AFP: variants seen among roughly 807,000 people sequenced by gnomAD.
The protein encoded by AFP is alpha-fetoprotein.
Under a neutral mutation model 78.9 loss-of-function variants are expected in AFP, and 64 were observed. That is an observed-to-expected ratio of 0.81 (90% CI 0.66 to 1.00). The LOEUF is 1.00. Ranked by LOEUF, AFP falls within the 50% of genes least tolerant of loss-of-function variation. The pLI is 0.00. For synonymous variants in AFP, 254 were observed against 243.8 expected, an observed-to-expected ratio of 1.04 and a Z score of -0.39; for missense variants, 689 against 703.8, an observed-to-expected ratio of 0.98 and a Z score of 0.24.
Position 73,452,693 on chromosome 4 carries a change from C to T in AFP, c.1652+69C>T, listed in dbSNP as rs992615897. 1.9e-4 allele frequency: 235 copies of T among 1,229,760 alleles called. 3 individuals are homozygous for T. The South Asian group carries it at 2.2e-3, about 11-fold the overall frequency. The allele number at this position is 1,229,760 out of a possible 1,614,324, so 76.2% of individuals were successfully genotyped here. A position where few individuals can be genotyped will look rare whatever the true frequency, so the allele number is the denominator to read the frequency against. On this transcript the variant is annotated intron_variant, in intron 12 of 14. Coordinates refer to ENST00000395792, the MANE Select transcript of AFP (RefSeq NM_001134.3). The stretch of plus-strand genomic sequence containing the variant: ...CAAAGAGTAACTGAGACTTCTACCT[C>T]GCTCACCTAACACTATTGGGCTCAC...
intron 7 of AFP, 114 bp downstream of exon 7, chr4:73,445,236 T>G: frequency 7.9e-7 from 1 of 1,260,046 alleles, no homozygotes; most frequent in Non-Finnish European, 1.1e-6. Context: ...GTATGTAAAC[T>G]AGGTGACTCC....
chr4:73,455,308 C>G lies in AFP; in HGVS notation c.*10+18C>G, dbSNP rs1337930848. 2 of 1,590,488 alleles carry G rather than the reference C, an allele frequency of 1.3e-6. No homozygotes were observed. The highest frequency in any genetic ancestry group is 1.7e-6 in the Non-Finnish European group (2 of 1,159,200). ...TACTTCAGGTAACAAAACATTCAGACAAGCCTGAATACAATGTTGTTTCTC... is the reference window on the plus strand; with the variant it reads ...TACTTCAGGTAACAAAACATTCAGAGAAGCCTGAATACAATGTTGTTTCTC... On this transcript the variant is annotated intron_variant, in intron 14 of 14. Transcript: ENST00000395792.
At chr4:73,442,537 G>C in intron 5 of AFP, 109 bp downstream of exon 5, 1 of 1,338,746 alleles carries the variant, frequency 7.5e-7, no homozygotes, top group Non-Finnish European at 1.1e-6. Flanking sequence ...ATCGTTTTTG[G>C]AATAGAGAAA....
chr4:73,452,627 A>G lies in AFP; in HGVS notation c.1652+3A>G. 2 of 1,601,584 alleles carry G rather than the reference A, an allele frequency of 1.2e-6. No homozygotes were observed. Among genetic ancestry groups the G allele is most frequent in the African/African-American group, 1.3e-5 (1 of 74,796 alleles). On this transcript the variant is annotated splice_donor_region_variant and intron_variant, in intron 12 of 14. Transcript: ENST00000395792. ...GCGCTGCAAACAATGAAGCAAGAGT[A>G]AGAAACTGTTACTTGCTAGCATGGA...
At chr4:73,439,644 C>T (rs967270312) in intron 3 of AFP, among the ~76,000 whole-genome samples, 23 of 152,198 alleles carry the variant, frequency 1.5e-4, no homozygotes, top group African/African-American at 5.3e-4. Context: ...CATAAAAGTT[C>T]CCTCAGATAC....
At chr4:73,445,426 G>A (rs541433486) in intron 7 of AFP, among the ~76,000 whole-genome samples, 1 of 152,146 alleles carries the variant, frequency 6.6e-6, no homozygotes, top group South Asian at 2.1e-4. Flanking sequence ...GGAAACTAAG[G>A]TTTAATGTAT....
chr4:73,447,061 C>G (rs1341218752), intron 7 of AFP, among the ~76,000 whole-genome samples: 2 of 151,968 alleles, frequency 1.3e-5, no homozygotes, highest in African/African-American at 2.4e-5. Flanking sequence ...ACTACGGACA[C>G]TATTAGAGGA....
chr4:73,455,526 C>T, intron 14 of AFP, 105 bp from the exon 15 acceptor site: 1 of 650,362 alleles, frequency 1.5e-6, no homozygotes, highest in Non-Finnish European at 2.7e-6. Flanking sequence ...TATCAGAAGA[C>T]TTTCCTACGT....
intron 8 of AFP, among the ~76,000 whole-genome samples, chr4:73,448,980 G>T (rs1416777822): frequency 1.3e-5 from 2 of 152,092 alleles, no homozygotes; most frequent in South Asian, 4.1e-4. Flanking sequence ...GTGCTTTTCA[G>T]AGGGCAGGTA....
intron 4 of AFP, among the ~76,000 whole-genome samples, chr4:73,441,444 T>G (rs1397048750): frequency 6.6e-6 from 1 of 150,910 alleles, no homozygotes; most frequent in Non-Finnish European, 1.5e-5. Context: ...GGTGGGCGCC[T>G]GTAGTCCCAG....
intron 1 of AFP, 39 bp downstream of exon 1, chr4:73,436,386 C>G (rs771034140): frequency 1.7e-6 from 2 of 1,201,010 alleles, no homozygotes; most frequent in Admixed American, 4.4e-5. Flanking sequence ...TTCTCTATAT[C>G]AAAATTTTTT....
chr4:73,437,778 G>GGGA (rs1719549036), intron 2 of AFP, among the ~76,000 whole-genome samples: 1 of 151,980 alleles, frequency 6.6e-6, no homozygotes, highest in Non-Finnish European at 1.5e-5. Flanking sequence ...TTTAGACCTT[G>GGGA]ATCATACTGG....
Position 73,455,953 on chromosome 4 carries a change from C to A in AFP, c.*333C>A. On this transcript the variant is annotated 3_prime_UTR_variant, in exon 15 of 15. Transcript: ENST00000395792. ...ATCACTTGGTGAACTGAAAAATGTTCCCAAGTTAAACACTATTTGATGCTA... is the reference window on the plus strand; with the variant it reads ...ATCACTTGGTGAACTGAAAAATGTTACCAAGTTAAACACTATTTGATGCTA... 3.1e-6 allele frequency: 1 copy of A among 323,296 alleles called. No homozygotes were observed. The highest frequency in any genetic ancestry group is 5.6e-6 in the Non-Finnish European group (1 of 178,730). The allele number at this position is 323,296 out of a possible 1,614,324, so 20.0% of individuals were successfully genotyped here. A position where few individuals can be genotyped will look rare whatever the true frequency, so the allele number is the denominator to read the frequency against.
Position 73,443,462 on chromosome 4 carries a change from C to T in AFP, c.713+18C>T. 1 of 1,568,266 alleles carries T rather than the reference C, an allele frequency of 6.4e-7. No homozygotes were observed. The highest frequency in any genetic ancestry group is 1.7e-4 in the Middle Eastern group (1 of 5,990). ...CAAGCCATGTAAGTTCAAGTTCTAT[C>T]TAGGGAAGAGGGTGAGAGCTACAGA... On this transcript the variant is annotated intron_variant, in intron 6 of 14. Coordinates refer to ENST00000395792, the MANE Select transcript of AFP (RefSeq NM_001134.3).
intron 9 of AFP, 122 bp downstream of exon 9, chr4:73,449,589 C>T: frequency 8.3e-7 from 1 of 1,201,492 alleles, no homozygotes; most frequent in Non-Finnish European, 1.2e-6. Context: ...ATCTATTTGT[C>T]TAGATATTAA....
intron 2 of AFP, 34 bp from the exon 3 acceptor site, chr4:73,438,140 G>C (rs1719560631): frequency 6.2e-7 from 1 of 1,612,286 alleles, no homozygotes; most frequent in African/African-American, 1.3e-5. Context: ...CTGCAGGTCT[G>C]TTCCTTAAGG....
Position 73,453,829 on chromosome 4 carries a change from G to T in AFP, c.1717G>T (p.Ala573Ser). The T allele has an allele frequency of 3.1e-6, 5 of 1,613,810 alleles. No homozygotes were observed. Among genetic ancestry groups the T allele is most frequent in the Non-Finnish European group, 4.2e-6 (5 of 1,179,780 alleles). Residue 573 changes from alanine (A) to serine (S), a missense_variant, in exon 13 of 15, where the codon GCA becomes TCA. Coordinates refer to ENST00000395792, the MANE Select transcript of AFP (RefSeq NM_001134.3). ...AGAGGAACAACTTGAGGCTGTCATTGCAGATTTCTCAGGCCTGTTGGAGAA... is the reference window on the plus strand; with the variant it reads ...AGAGGAACAACTTGAGGCTGTCATTTCAGATTTCTCAGGCCTGTTGGAGAA... ...ITEEQLEAVI[A>S]DFSGLLEKCC...
At position 73,440,687 on chromosome 4, in the gene AFP, A is replaced by G. The variant is rs372500027; in HGVS notation, c.356A>G (p.Glu119Gly). Residue 119 changes from glutamate to glycine, a missense_variant, in exon 4 of 15, where the codon GAG (glutamate) becomes GGG (glycine). Glu to Gly is a moderately conservative substitution (Grantham distance 98). Coordinates refer to ENST00000395792, the MANE Select transcript of AFP (RefSeq NM_001134.3). ...GHSDCCSQSE[E>G]GRHNCFLAHK... ...TCAGACTGCTGCAGCCAAAGTGAAGAGGGAAGACATAACTGTTTTCTTGCA... is the reference window on the plus strand; with the variant it reads ...TCAGACTGCTGCAGCCAAAGTGAAGGGGGAAGACATAACTGTTTTCTTGCA... 29 of 1,614,068 alleles carry G rather than the reference A, an allele frequency of 1.8e-5. No individual in the cohort carries two copies. The highest frequency in any genetic ancestry group is 1.4e-5 in the Non-Finnish European group (17 of 1,180,028).
chr4:73,449,721 A>G (rs1231392714), intron 9 of AFP, among the ~76,000 whole-genome samples: 3 of 152,230 alleles, frequency 2.0e-5, no homozygotes, highest in African/African-American at 7.2e-5. Context: ...AAGTCCTTTG[A>G]TCCACAAATA....
Sources: gnomAD v4.1 joint callset for allele counts (sites outside exome capture counted in the v4.1 genomes callset) on GRCh38, gnomAD v4.1.1 for gene constraint, MANE v1.5 for transcripts, NCBI Gene and HGNC (gene_info 2026-07-23, HGNC 2026-07-21) for gene names.